LRIG3: variants seen among roughly 807,000 people sequenced by gnomAD.
LRIG3 encodes leucine-rich repeats and immunoglobulin-like domains protein 3.
In LRIG3, 76 loss-of-function variants were observed where a neutral mutation model predicts 114.5. The ratio of observed to expected loss-of-function variants is 0.66; its 90% confidence interval spans 0.55 to 0.80. The LOEUF (loss-of-function observed/expected upper bound fraction) is 0.80. LRIG3 is among the 30% of genes least tolerant of loss of function. The pLI is 0.00. For synonymous variants in LRIG3, 512 were observed against 519.8 expected (o/e 0.98, Z 0.20); for missense variants, 1,239 against 1,382.8 (o/e 0.90, Z 1.65).
chr12:58,876,960 AC>A (rs570271820), intron 15 of LRIG3, among the ~76,000 whole-genome samples: 51 of 152,344 alleles, frequency 3.3e-4, no homozygotes, highest in African/African-American at 1.1e-3. Context: ...TCTTAATATT[AC>A]TAATCAATAT....
chr12:58,887,369 T>A (rs1346458296), intron 8 of LRIG3, among the ~76,000 whole-genome samples: 3 of 151,992 alleles, frequency 2.0e-5, no homozygotes, highest in Non-Finnish European at 4.4e-5. Flanking sequence ...TTAATTTAAC[T>A]CCCTTTTCTT....
At chr12:58,905,297 G>A (rs2120960961) in intron 3 of LRIG3, among the ~76,000 whole-genome samples, 1 of 152,314 alleles carries the variant, frequency 6.6e-6, no homozygotes, top group South Asian at 2.1e-4. Flanking sequence ...CTGGGGGCCA[G>A]TTTATATTTA....
chr12:58,907,796 G>A (rs1391674387), intron 3 of LRIG3, among the ~76,000 whole-genome samples: 1 of 152,170 alleles, frequency 6.6e-6, no homozygotes, highest in Non-Finnish European at 1.5e-5. Flanking sequence ...TAATGCACAA[G>A]GGCCCGTGAT....
intron 6 of LRIG3, 66 bp downstream of exon 6, chr12:58,888,753 C>A (rs1871356727): frequency 2.6e-6 from 4 of 1,550,538 alleles, no homozygotes; most frequent in East Asian, 2.3e-5. Flanking sequence ...ATAAGACCTG[C>A]TGAATGTACA....
chr12:58,899,723 T>C (rs1053597201), intron 3 of LRIG3, among the ~76,000 whole-genome samples: 1 of 152,222 alleles, frequency 6.6e-6, no homozygotes, highest in Non-Finnish European at 1.5e-5. Flanking sequence ...TGATGATCAC[T>C]GGCTACTCAT....
intron 1 of LRIG3, among the ~76,000 whole-genome samples, chr12:58,918,746 A>G (rs932214597): frequency 6.6e-6 from 1 of 152,230 alleles, no homozygotes; most frequent in Admixed American, 6.5e-5. Flanking sequence ...TAAAGACCTT[A>G]TCTCCTCTTC....
At chr12:58,896,384 G>A (rs1371980766) in intron 3 of LRIG3, among the ~76,000 whole-genome samples, 1 of 152,170 alleles carries the variant, frequency 6.6e-6, no homozygotes, top group Non-Finnish European at 1.5e-5. Flanking sequence ...TAATTCCAGG[G>A]TCTGAAAGGA....
rs549066311 is a variant in LRIG3 at position 58,920,288 on chromosome 12, G to C, written c.-53C>G. Reference sequence around the variant, plus strand: ...CGAAGCTCCCAGCCGGCGCGCGCTCGGGGCCCGGCACAAACTTCCAGCCGA... The same window carrying C: ...CGAAGCTCCCAGCCGGCGCGCGCTCCGGGCCCGGCACAAACTTCCAGCCGA... On this transcript the variant is annotated 5_prime_UTR_variant, in exon 1 of 19. Coordinates refer to ENST00000320743, the MANE Select transcript of LRIG3 (RefSeq NM_153377.5). The C allele has an allele frequency of 8.2e-5, 105 of 1,276,146 alleles. No homozygotes were observed. The South Asian group carries it at 2.2e-3, about 27-fold the overall frequency. 79.1% of individuals were successfully genotyped at this position (1,276,146 alleles called of 1,614,324 possible).
chr12:58,881,190 C>G (rs1293998600), intron 12 of LRIG3, among the ~76,000 whole-genome samples: 1 of 152,112 alleles, frequency 6.6e-6, no homozygotes, highest in East Asian at 1.9e-4. Flanking sequence ...ATTCCTGATC[C>G]CTTATGCTTT....
At chr12:58,902,728 C>G (rs1394084956) in intron 3 of LRIG3, among the ~76,000 whole-genome samples, 1 of 113,950 alleles carries the variant, frequency 8.8e-6, no homozygotes, top group Non-Finnish European at 1.7e-5. Context: ...CCTCCCCCCA[C>G]CCCACAACAG....
chr12:58,905,871 G>A (rs922117653), intron 3 of LRIG3, among the ~76,000 whole-genome samples: 2 of 152,104 alleles, frequency 1.3e-5, no homozygotes, highest in Non-Finnish European at 2.9e-5. Context: ...TCCACAATAA[G>A]AAATAAATTC....
chr12:58,886,581 A>T (rs140813312), intron 9 of LRIG3, among the ~76,000 whole-genome samples: 32 of 152,310 alleles, frequency 2.1e-4, no homozygotes, highest in African/African-American at 7.5e-4. Flanking sequence ...ATATTAAAGT[A>T]AATTACACAT....
intron 2 of LRIG3, 64 bp from the exon 3 acceptor site, chr12:58,914,120 T>C (rs1872387188): frequency 5.1e-6 from 8 of 1,555,942 alleles, no homozygotes; most frequent in Non-Finnish European, 7.0e-6. Flanking sequence ...TTCACAGAGG[T>C]GAAAACTTTA....
In LRIG3 at chr12:58,890,101, C is replaced by T. The variant is rs201428399; in HGVS notation, c.554G>A (p.Gly185Glu). The change falls in exon 5 of 19, where the codon GGG becomes GAG. Residue 185 changes from glycine to glutamate, a missense_variant. Coordinates refer to ENST00000320743, the MANE Select transcript of LRIG3 (RefSeq NM_153377.5). ...TGTGTTGGCCAAATTGTCAAAATAC[C>T]CAGGTTCCATTGATGTGACTCGGTT... Reference protein sequence around the residue: ...NSNRVTSMEPGYFDNLANTLL... With the variant: ...NSNRVTSMEPEYFDNLANTLL... 5 of 1,613,792 alleles carry T rather than the reference C, an allele frequency of 3.1e-6. No individual in the cohort carries two copies. Among genetic ancestry groups the T allele is most frequent in the Middle Eastern group, 1.6e-4 (1 of 6,062 alleles).
intron 9 of LRIG3, among the ~76,000 whole-genome samples, chr12:58,886,539 A>T (rs546452641): frequency 3.2e-4 from 48 of 152,238 alleles, no homozygotes; most frequent in African/African-American, 1.2e-3. Context: ...CAAAAGTGTA[A>T]GCCCTCAACA....
chr12:58,894,940 C>T (rs1212465726), intron 3 of LRIG3, among the ~76,000 whole-genome samples: 1 of 152,186 alleles, frequency 6.6e-6, no homozygotes, highest in Admixed American at 6.5e-5. Context: ...TGTGGACACA[C>T]AGACCTGGGG....
At chr12:58,874,640 T>C in intron 16 of LRIG3, 67 bp from the exon 17 acceptor site, 1 of 1,586,362 alleles carries the variant, frequency 6.3e-7, no homozygotes. Context: ...TCCCCAGTTT[T>C]GGCATCTTCC....
At position 58,888,959 on chromosome 12, in the gene LRIG3, T is replaced by A; in HGVS notation, c.663A>T (p.Glu221Asp). ...CATTTTTAATCTTGTTTCGGTTCAA[T>A]TCGCTGCATTGAGTATTACAAGAGT... ...MFKLPQLQHL[E>D]LNRNKIKNVD... Residue 221 changes from glutamate to aspartate, a missense_variant, in exon 6 of 19, where the codon GAA becomes GAT. Physicochemically the swap from Glu to Asp is conservative, Grantham distance 45 (BLOSUM62 2). Transcript: ENST00000320743. The A allele has an allele frequency of 6.2e-7, 1 of 1,612,850 alleles. No individual in the cohort carries two copies. Among genetic ancestry groups the A allele is most frequent in the Non-Finnish European group, 8.5e-7 (1 of 1,179,458 alleles).
chr12:58,915,496 C>T (rs1262654423), intron 1 of LRIG3, among the ~76,000 whole-genome samples: 1 of 152,084 alleles, frequency 6.6e-6, no homozygotes, highest in African/African-American at 2.4e-5. Context: ...AATCAGAGTT[C>T]CTTTCAGTCT....
Sources: gnomAD v4.1 joint callset for allele counts (sites outside exome capture counted in the v4.1 genomes callset) on GRCh38, gnomAD v4.1.1 for gene constraint, MANE v1.5 for transcripts, NCBI Gene and HGNC (gene_info 2026-07-23, HGNC 2026-07-21) for gene names.